The following FHIP1A variants were observed in gnomAD, a reference collection of about 807,000 sequenced individuals.
FHIP1A encodes FHF complex subunit HOOK interacting protein 1A.
In FHIP1A, 61 loss-of-function variants were observed where a neutral mutation model predicts 88.6. That is an observed-to-expected ratio of 0.69 (90% confidence interval 0.56 to 0.85). FHIP1A has a LOEUF of 0.85. FHIP1A is among the 40% of genes least tolerant of loss of function. FHIP1A has a pLI of 0.00. For synonymous variants in FHIP1A, 478 were observed against 496.0 expected (o/e 0.96, Z 0.48); for missense variants, 1,154 against 1,273.5 (o/e 0.91, Z 1.43).
rs1471348717 is a variant in FHIP1A at position 151,664,668 on chromosome 4, G to C, written c.*1914G>C. On this transcript the variant is annotated 3_prime_UTR_variant, in exon 14 of 14. Transcript: ENST00000435205. ...AAGAAGGTAGCTTAAGATAGAGAAA[G>C]AGGAACAGTTGAAGATGGAAGTTCG... Among the ~76,000 whole-genome samples, 2 of 152,250 alleles carry C rather than the reference G, an allele frequency of 1.3e-5. No individual in the cohort carries two copies. The highest frequency in any genetic ancestry group is 6.5e-5 in the Admixed American group (1 of 15,292).
At chr4:151,558,201 G>A (rs1733028631) in intron 3 of FHIP1A, among the ~76,000 whole-genome samples, 1 of 152,124 alleles carries the variant, frequency 6.6e-6, no homozygotes, top group Non-Finnish European at 1.5e-5. Context: ...AATAGGTTTT[G>A]TACGAGTAGA....
intron 7 of FHIP1A, among the ~76,000 whole-genome samples, chr4:151,598,289 G>A (rs1455902718): frequency 6.6e-6 from 1 of 152,100 alleles, no homozygotes; most frequent in Non-Finnish European, 1.5e-5. Flanking sequence ...AGGGGAGCGA[G>A]TTCCCCGACT....
At chr4:151,545,617 TC>T (rs1434153472) in intron 3 of FHIP1A, among the ~76,000 whole-genome samples, 2 of 152,060 alleles carry the variant, frequency 1.3e-5, no homozygotes, top group Non-Finnish European at 2.9e-5. Context: ...GACCTCGTGA[TC>T]CACCGGCCTC....
chr4:151,499,520 C>T (rs1001980902), intron 3 of FHIP1A, among the ~76,000 whole-genome samples: 6 of 152,148 alleles, frequency 3.9e-5, no homozygotes, highest in East Asian at 1.9e-4. Context: ...AATATGATTT[C>T]GTGAAATAAG....
At chr4:151,469,905 T>C (rs1181463015) in intron 2 of FHIP1A, among the ~76,000 whole-genome samples, 1 of 152,196 alleles carries the variant, frequency 6.6e-6, no homozygotes. Flanking sequence ...AGATTGTTCT[T>C]TGAGTTTCAA....
chr4:151,591,545 C>T (rs368582016), intron 7 of FHIP1A, among the ~76,000 whole-genome samples: 2 of 152,136 alleles, frequency 1.3e-5, no homozygotes, highest in African/African-American at 4.8e-5. Context: ...TGGTGGTTTG[C>T]TGCACCCATC....
chr4:151,577,581 A>C lies in FHIP1A; in HGVS notation c.237A>C (p.Gln79His). 6.4e-7 allele frequency: 1 copy of C among 1,551,972 alleles called. No individual in the cohort carries two copies. The highest frequency in any genetic ancestry group is 8.7e-7 in the Non-Finnish European group (1 of 1,147,038). The change falls in exon 5 of 14, where the codon CAA becomes CAC. Residue 79 changes from glutamine (Q) to histidine (H), a missense_variant. Physicochemically the swap from Gln to His is conservative, Grantham distance 24 (BLOSUM62 0). Transcript: ENST00000435205. The stretch of plus-strand genomic sequence containing the variant: ...TGCTCTTCTTGTTGATTGAAGAGCA[A>C]GCCAAAGATGCTGCAATGGGGCCGA... ...EHMLFLLIEE[Q>H]AKDAAMGPIL... is the part of the protein sequence containing the mutation.
intron 7 of FHIP1A, among the ~76,000 whole-genome samples, chr4:151,593,258 T>C (rs1734509292): frequency 6.6e-6 from 1 of 152,234 alleles, no homozygotes; most frequent in Non-Finnish European, 1.5e-5. Flanking sequence ...TCTTTTTTGG[T>C]TCCATATGAA....
intron 13 of FHIP1A, among the ~76,000 whole-genome samples, chr4:151,657,594 G>A (rs1407733180): frequency 6.6e-6 from 1 of 152,180 alleles, no homozygotes; most frequent in Non-Finnish European, 1.5e-5. Context: ...CCGATTTGCT[G>A]ACCATTGTCC....
At chr4:151,518,926 G>C (rs1202836656) in intron 3 of FHIP1A, among the ~76,000 whole-genome samples, 1 of 151,952 alleles carries the variant, frequency 6.6e-6, no homozygotes, top group Non-Finnish European at 1.5e-5. Context: ...CTGGCCTCCA[G>C]TTCTCCCACT....
chr4:151,540,404 T>C (rs1732241554), intron 3 of FHIP1A, among the ~76,000 whole-genome samples: 1 of 152,226 alleles, frequency 6.6e-6, no homozygotes, highest in African/African-American at 2.4e-5. Flanking sequence ...TTTTTAAGTT[T>C]GATCCTTTCA....
chr4:151,455,723 A>C (rs1728944370), intron 2 of FHIP1A, among the ~76,000 whole-genome samples: 1 of 152,214 alleles, frequency 6.6e-6, no homozygotes, highest in South Asian at 2.1e-4. Context: ...GTTATTACAC[A>C]GAATATAGCA....
intron 2 of FHIP1A, among the ~76,000 whole-genome samples, chr4:151,472,987 A>C (rs1285852714): frequency 1.3e-5 from 2 of 152,098 alleles, no homozygotes; most frequent in African/African-American, 4.8e-5. Context: ...TTTATTGTAC[A>C]TTTCACCTTT....
chr4:151,485,578 G>T (rs1418819541), intron 3 of FHIP1A, among the ~76,000 whole-genome samples: 2 of 151,444 alleles, frequency 1.3e-5, no homozygotes, highest in Non-Finnish European at 2.9e-5. Context: ...AAGCCCAGAG[G>T]GTGGAGCTCA....
Position 151,650,588 on chromosome 4 carries a change from C to T in FHIP1A, c.2547C>T (p.Phe849=). 5.2e-6 allele frequency: 8 copies of T among 1,544,578 alleles called. No homozygotes were observed. The highest frequency in any genetic ancestry group is 7.0e-6 in the Non-Finnish European group (8 of 1,143,714). The change falls in exon 11 of 14, where the codon TTC becomes TTT. Residue 849 remains phenylalanine, a synonymous_variant. Coordinates refer to ENST00000435205, the MANE Select transcript of FHIP1A (RefSeq NM_001109977.3). ...CCGTGAGGACTCAAAGCACCCCATT[C>T]ACAGGTGACCATCTTAAATTGCTTT... ...RHPVRTQSTP[F]TGPFISVVLS...
intron 10 of FHIP1A, among the ~76,000 whole-genome samples, chr4:151,647,493 A>G (rs1392837593): frequency 6.6e-6 from 1 of 152,180 alleles, no homozygotes; most frequent in Admixed American, 6.5e-5. Context: ...ATCCACCCCA[A>G]CAATGTCATT....
chr4:151,508,965 C>T (rs1241512650), intron 3 of FHIP1A, among the ~76,000 whole-genome samples: 1 of 152,164 alleles, frequency 6.6e-6, no homozygotes, highest in Non-Finnish European at 1.5e-5. Flanking sequence ...AACAGTTTTT[C>T]CTCCTTTTGG....
At position 151,493,673 on chromosome 4, in the gene FHIP1A, A is replaced by T. The variant is rs751233386; in HGVS notation, c.-123+11025A>T. ...GGGATGCAGGATTGGTTTAACATAC[A>T]CAAGTCAATAAATGTGATATACCAC... On this transcript the variant is annotated intron_variant, in intron 3 of 13. Transcript: ENST00000435205. Among the ~76,000 whole-genome samples the T allele has an allele frequency of 8.6e-4, 131 of 152,342 alleles. No individual in the cohort carries two copies. In the Middle Eastern group the frequency reaches 0.01, roughly 12 times the overall value.
intron 3 of FHIP1A, among the ~76,000 whole-genome samples, chr4:151,526,467 CGGCTGGCCGGGCGGGGGGCTG>C (rs1731647581): frequency 7.1e-6 from 1 of 140,446 alleles, no homozygotes; most frequent in African/African-American, 2.8e-5. Flanking sequence ...CCGGATGAGG[CGGCTGGCCGGGCGGGGGGCTG>C]ACCCCCCCAC....
Sources: gnomAD v4.1 joint callset for allele counts (sites outside exome capture counted in the v4.1 genomes callset) on GRCh38, gnomAD v4.1.1 for gene constraint, MANE v1.5 for transcripts, NCBI Gene and HGNC (gene_info 2026-07-23, HGNC 2026-07-21) for gene names.